SIVA1: variants seen among roughly 807,000 people sequenced by gnomAD.
The protein encoded by SIVA1 is SIVA1 apoptosis inducing factor, also known as apoptosis regulatory protein Siva.
Under a neutral mutation model 19.7 loss-of-function variants are expected in SIVA1, and 10 were observed. That is an observed-to-expected ratio of 0.51 (90% CI 0.31 to 0.86). SIVA1 has a LOEUF of 0.86. SIVA1 is among the 40% of genes least tolerant of loss of function. The pLI, the probability that SIVA1 is intolerant of heterozygous loss-of-function variation, is 0.04. For missense variants in SIVA1, 241 were observed against 245.2 expected (o/e 0.98, Z 0.11); for synonymous variants, 130 against 106.1 (o/e 1.23, Z -1.39).
intron 1 of SIVA1, chr14:104,753,874 TC>T (rs1248416753): frequency 2.4e-6 from 1 of 422,580 alleles, no homozygotes; most frequent in Non-Finnish European, 4.9e-6. Context: ...CCACAGGTGG[TC>T]GGGGCAGGCA....
Position 104,756,613 on chromosome 14 carries a change from G to C in SIVA1, c.323G>C (p.Gly108Ala). 4 of 1,614,180 alleles carry C rather than the reference G, an allele frequency of 2.5e-6. No individual in the cohort carries two copies. Among genetic ancestry groups the C allele is most frequent in the Non-Finnish European group, 3.4e-6 (4 of 1,180,036 alleles). ...CGTTTCTTCCTCACAGACCCATCTG[G>C]GGTAGCGTCCATTGCCTGTTCCTCA... ...LGQASEADPS[G>A]VASIACSSCV... The change falls in exon 3 of 4, where the codon GGG (glycine) becomes GCG (alanine). Residue 108 changes from glycine (G) to alanine (A), a missense_variant. Transcript: ENST00000329967.
intron 1 of SIVA1, 97 bp downstream of exon 1, chr14:104,753,416 G>A (rs1891773460): frequency 2.5e-6 from 2 of 814,990 alleles, no homozygotes; most frequent in African/African-American, 1.8e-5. Flanking sequence ...GGGGCTGGAG[G>A]GCCCTGCTTT....
rs985958832 is a variant in SIVA1, at chr14:104,753,770, C to T, written c.118+451C>T. 1.3e-5 allele frequency: 6 copies of T among 454,820 alleles called. No individual in the cohort carries two copies. The Admixed American group carries it at 1.4e-4, about 11-fold the overall frequency. 28.2% of individuals were successfully genotyped at this position (454,820 alleles called of 1,614,324 possible). A position where few individuals can be genotyped will look rare whatever the true frequency, so the allele number is the denominator to read the frequency against. On this transcript the variant is annotated intron_variant, in intron 1 of 3. Coordinates refer to ENST00000329967, the MANE Select transcript of SIVA1 (RefSeq NM_006427.4). ...GAGCGCGCGGCCCTGCCAGGCACGG[C>T]GGCTTTCTCGGGAGACCAAAGGCAG...
chr14:104,757,132 A>G (rs1891919967), intron 3 of SIVA1: 4 of 340,162 alleles, frequency 1.2e-5, no homozygotes, highest in Non-Finnish European at 1.7e-5. Flanking sequence ...CAGCTTCACC[A>G]CAGTCATGCG....
At chr14:104,755,145 G>A (rs964730591) in intron 1 of SIVA1, among the ~76,000 whole-genome samples, 3 of 152,200 alleles carry the variant, frequency 2.0e-5, no homozygotes, top group African/African-American at 7.2e-5. Context: ...AGAGGCTGTA[G>A]GCCCAGCTCC....
At chr14:104,757,918 C>T (rs1312934139) in intron 3 of SIVA1, 1 of 152,534 alleles carries the variant, frequency 6.6e-6, no homozygotes, top group Non-Finnish European at 1.5e-5. Context: ...CCCATACCCA[C>T]AGAGTTCACG....
At chr14:104,757,129 A>C in intron 3 of SIVA1, 1 of 340,416 alleles carries the variant, frequency 2.9e-6, no homozygotes, top group South Asian at 2.5e-5. Flanking sequence ...CCGCAGCTTC[A>C]CCACAGTCAT....
intron 2 of SIVA1, 52 bp from the exon 3 acceptor site, chr14:104,756,552 C>G: frequency 6.2e-7 from 1 of 1,609,848 alleles, no homozygotes. Flanking sequence ...CCGGCAGTCC[C>G]GGAAACTCCA....
intron 1 of SIVA1, among the ~76,000 whole-genome samples, chr14:104,755,013 G>A (rs957669926): frequency 3.3e-5 from 5 of 152,214 alleles, no homozygotes; most frequent in Admixed American, 2.6e-4. Context: ...CTGAACTGTG[G>A]CCTGATGGAA....
rs777463831 is a variant in SIVA1, at chr14:104,759,622, A to T, written c.*137A>T. On this transcript the variant is annotated 3_prime_UTR_variant, in exon 4 of 4. Transcript: ENST00000329967. The surrounding 1 kb of genome is among the most constrained non-coding windows in gnomAD (Gnocchi z 4.2). Reference sequence around the variant, plus strand: ...TTTACATGTTCTATTTTGTATCCTAATGACAGAATGAATAAACCTCTTTAT... The same window carrying T: ...TTTACATGTTCTATTTTGTATCCTATTGACAGAATGAATAAACCTCTTTAT... The T allele has an allele frequency of 3.3e-6, 2 of 608,750 alleles. No homozygotes were observed. Among genetic ancestry groups the T allele is most frequent in the Admixed American group, 5.7e-5 (2 of 34,946 alleles). The allele number at this position is 608,750 out of a possible 1,614,324, so 37.7% of individuals were successfully genotyped here.
chr14:104,753,765 C>T, intron 1 of SIVA1: 3 of 455,060 alleles, frequency 6.6e-6, no homozygotes, highest in Non-Finnish European at 8.9e-6. Context: ...CCCTGCCAGG[C>T]ACGGCGGCTT....
Position 104,755,654 on chromosome 14 carries a change from T to A in SIVA1, c.143T>A (p.Leu48His). The A allele has an allele frequency of 6.2e-7, 1 of 1,613,224 alleles. No individual in the cohort carries two copies. Among genetic ancestry groups the A allele is most frequent in the Non-Finnish European group, 8.5e-7 (1 of 1,179,850 alleles). The change falls in exon 2 of 4, where the codon CTC (leucine) becomes CAC (histidine). Residue 48 changes from leucine (L) to histidine (H), a missense_variant. By Grantham distance (99) the Leu-to-His change is moderately conservative. Transcript: ENST00000329967. ...VFEKTKRLLFLGAQAYLDHVW... is the reference protein window; with the variant it reads ...VFEKTKRLLFHGAQAYLDHVW... ...GAGAAGACCAAGCGACTCCTGTTCC[T>A]CGGGGCCCAGGCCTACCTGGACCAC...
intron 3 of SIVA1, chr14:104,758,366 T>C (rs538559502): frequency 9.2e-5 from 14 of 152,418 alleles, no homozygotes; most frequent in African/African-American, 3.1e-4. Flanking sequence ...CTGGCTGCCT[T>C]GTTGACTCCA....
At position 104,759,240 on chromosome 14, in the gene SIVA1, G is replaced by A. The variant is rs977395530; in HGVS notation, c.471-188G>A. 12 of 494,928 alleles carry A rather than the reference G, an allele frequency of 2.4e-5. No homozygotes were observed. The Admixed American group carries it at 4.1e-4, about 17-fold the overall frequency. The allele number at this position is 494,928 out of a possible 1,614,324, so 30.7% of individuals were successfully genotyped here. A position where few individuals can be genotyped will look rare whatever the true frequency, so the allele number is the denominator to read the frequency against. ...GTAGTCTTTTTAGGACGCTGGTCGT[G>A]TTGCCTTAGGGCCCCCATGTCAGTG... On this transcript the variant is annotated intron_variant, in intron 3 of 3. Coordinates refer to ENST00000329967, the MANE Select transcript of SIVA1 (RefSeq NM_006427.4). The surrounding 1 kb of genome is among the most constrained non-coding windows in gnomAD (Gnocchi z 4.2).
intron 1 of SIVA1, among the ~76,000 whole-genome samples, chr14:104,754,173 T>A (rs1891809282): frequency 6.6e-6 from 1 of 152,132 alleles, no homozygotes; most frequent in Non-Finnish European, 1.5e-5. Flanking sequence ...GGGTGATTAA[T>A]ACCCTGGGGC....
chr14:104,756,664 C>T lies in SIVA1; in HGVS notation c.374C>T (p.Ala125Val), dbSNP rs200119861. ...TGCGTGCGAGCCGTGGATGGGAAGG[C>T]GGTCTGCGGTCAGTGTGAGCGAGCC... ...SSCVRAVDGK[A>V]VCGQCERALC... Residue 125 changes from alanine to valine, a missense_variant, in exon 3 of 4, where the codon GCG (alanine) becomes GTG (valine). By Grantham distance (64) the Ala-to-Val change is moderately conservative. Transcript: ENST00000329967. 2.8e-5 allele frequency: 46 copies of T among 1,614,190 alleles called. No individual in the cohort carries two copies. In the East Asian group the frequency reaches 3.1e-4, roughly 11 times the overall value.
At chr14:104,758,489 T>TGC (rs1183620093) in intron 3 of SIVA1, 1 of 119,894 alleles carries the variant, frequency 8.3e-6, no homozygotes, top group Non-Finnish European at 1.7e-5. Context: ...CTTTAGAGCT[T>TGC]TCTTTTTTTT....
chr14:104,756,658 G>A lies in SIVA1; in HGVS notation c.368G>A (p.Gly123Glu), dbSNP rs1472499587. ...ACSSCVRAVD[G>E]KAVCGQCERA... The stretch of plus-strand genomic sequence containing the variant: ...TCCTCATGCGTGCGAGCCGTGGATG[G>A]GAAGGCGGTCTGCGGTCAGTGTGAG... The change falls in exon 3 of 4, where the codon GGG becomes GAG. Residue 123 changes from glycine (G) to glutamate (E), a missense_variant. Gly to Glu is a moderately conservative substitution (Grantham distance 98). Transcript: ENST00000329967. The A allele has an allele frequency of 6.2e-7, 1 of 1,614,224 alleles. No individual in the cohort carries two copies. The highest frequency in any genetic ancestry group is 1.7e-5 in the Admixed American group (1 of 60,032).
rs939433826 is a variant in SIVA1 at position 104,759,522 on chromosome 14, G to A, written c.*37G>A. On this transcript the variant is annotated 3_prime_UTR_variant, in exon 4 of 4. Transcript: ENST00000329967. The surrounding 1 kb of genome is among the most constrained non-coding windows in gnomAD (Gnocchi z 4.2). ...GCCGGCTGCCTTCACCGGGAGCCAC[G>A]CCGTGCATGGCAGCCTTCCCTGGAC... 9.5e-6 allele frequency: 15 copies of A among 1,578,960 alleles called. No individual in the cohort carries two copies. The highest frequency in any genetic ancestry group is 1.3e-5 in the African/African-American group (1 of 74,390).
Sources: allele counts gnomAD v4.1 joint callset (sites outside exome capture counted in the v4.1 genomes callset), GRCh38; gene constraint gnomAD v4.1.1; non-coding constraint Gnocchi (gnomAD v3.1); transcripts MANE v1.5; gene names NCBI Gene and HGNC (gene_info 2026-07-23, HGNC 2026-07-21).